TCERG1L: variants seen among roughly 807,000 people sequenced by gnomAD.
TCERG1L encodes the protein transcription elongation regulator 1-like protein.
TCERG1L carries 37 observed loss-of-function variants against 56.3 expected under a neutral mutation model. That is an observed-to-expected ratio of 0.66 (90% CI 0.51 to 0.87). TCERG1L has a LOEUF of 0.87. Among genes scored for constraint, TCERG1L ranks in the 40% least tolerant of loss-of-function variants. The pLI is 0.00. For missense variants in TCERG1L, 799 were observed against 774.2 expected, an observed-to-expected ratio of 1.03 and a Z score of -0.38; for synonymous variants, 324 against 326.3, an observed-to-expected ratio of 0.99 and a Z score of 0.08.
intron 4 of TCERG1L, among the ~76,000 whole-genome samples, chr10:131,243,684 G>A (rs1483881502): frequency 2.0e-5 from 3 of 152,202 alleles, no homozygotes; most frequent in Non-Finnish European, 4.4e-5. Flanking sequence ...TGAGAGGCAC[G>A]TGACCAGACA....
chr10:131,105,339 C>T (rs1251019819), intron 9 of TCERG1L, among the ~76,000 whole-genome samples: 1 of 152,198 alleles, frequency 6.6e-6, no homozygotes, highest in Non-Finnish European at 1.5e-5. Context: ...TCCATGCTGT[C>T]CTCTCTGGAA....
intron 8 of TCERG1L, among the ~76,000 whole-genome samples, chr10:131,133,482 A>G (rs542275509): frequency 1.4e-3 from 216 of 152,256 alleles, no homozygotes; most frequent in African/African-American, 5.0e-3. Flanking sequence ...GGCAGGACCC[A>G]GGGTCCAGCG....
At chr10:131,095,371 C>A (rs550096303) in intron 11 of TCERG1L, 4 of 152,250 alleles carry the variant, frequency 2.6e-5, no homozygotes, top group African/African-American at 9.7e-5. Context: ...ACTGTCCCGT[C>A]GCCACCATTC....
chr10:131,188,125 T>C (rs961087125), intron 4 of TCERG1L, among the ~76,000 whole-genome samples: 1 of 152,240 alleles, frequency 6.6e-6, no homozygotes, highest in African/African-American at 2.4e-5. Flanking sequence ...ACACTGCTGC[T>C]GACAAGAAGA....
chr10:131,308,295 T>G lies in TCERG1L; in HGVS notation c.586A>C (p.Asn196His). The change falls in exon 3 of 12, where the codon AAT (asparagine) becomes CAT (histidine). Residue 196 changes from asparagine to histidine, a missense_variant. Physicochemically the swap from Asn to His is moderately conservative, Grantham distance 68. Coordinates refer to ENST00000368642, the MANE Select transcript of TCERG1L (RefSeq NM_174937.4). ...CTGGACAGAGACACAGCTACTTGAT[T>G]TGCCAGCAAACGAGGCTTTTCATGC... ...HGHEKPRLLA[N>H]QVAVSLSRPA... is the part of the protein sequence containing the mutation. 6.2e-7 allele frequency: 1 copy of G among 1,614,004 alleles called. No homozygotes were observed.
At chr10:131,274,035 CG>C (rs1328415295) in intron 3 of TCERG1L, among the ~76,000 whole-genome samples, 1 of 152,074 alleles carries the variant, frequency 6.6e-6, no homozygotes, top group Non-Finnish European at 1.5e-5. Context: ...GAGAGAGGAA[CG>C]GGGCCTGGGC....
chr10:131,106,893 G>GT (rs1306451618), intron 9 of TCERG1L, among the ~76,000 whole-genome samples: 1 of 152,120 alleles, frequency 6.6e-6, no homozygotes, highest in Non-Finnish European at 1.5e-5. Context: ...AGCCTTTTCT[G>GT]TAATACCCAC....
At chr10:131,178,778 G>C (rs1193384082) in intron 4 of TCERG1L, among the ~76,000 whole-genome samples, 1 of 152,192 alleles carries the variant, frequency 6.6e-6, no homozygotes, top group Non-Finnish European at 1.5e-5. Context: ...ATGCGCTCCA[G>C]GATGAAGATC....
intron 9 of TCERG1L, among the ~76,000 whole-genome samples, chr10:131,109,654 G>A (rs985005799): frequency 6.6e-5 from 10 of 152,094 alleles, no homozygotes; most frequent in African/African-American, 1.7e-4. Flanking sequence ...CTGTCCCTCC[G>A]CCCTGTCTGA....
intron 7 of TCERG1L, among the ~76,000 whole-genome samples, chr10:131,141,266 G>T (rs1402232362): frequency 6.6e-6 from 1 of 152,148 alleles, no homozygotes; most frequent in African/African-American, 2.4e-5. Context: ...ACTGTCCCCA[G>T]ACAGCCATCC....
At chr10:131,117,888 A>G (rs1355627966) in intron 8 of TCERG1L, among the ~76,000 whole-genome samples, 1 of 152,238 alleles carries the variant, frequency 6.6e-6, no homozygotes, top group African/African-American at 2.4e-5. Flanking sequence ...CTGCTGGAAG[A>G]ATGTGTCTGG....
At chr10:131,125,046 T>A (rs542775794) in intron 8 of TCERG1L, among the ~76,000 whole-genome samples, 124 of 152,338 alleles carry the variant, frequency 8.1e-4, no homozygotes, top group African/African-American at 2.8e-3. Flanking sequence ...GTGGAAAAAC[T>A]GACTTAATGC....
At chr10:131,157,699 C>A (rs1729724120) in intron 6 of TCERG1L, among the ~76,000 whole-genome samples, 1 of 152,198 alleles carries the variant, frequency 6.6e-6, no homozygotes, top group Admixed American at 6.5e-5. Flanking sequence ...AAAAGTAATT[C>A]AAGTTTCATT....
intron 8 of TCERG1L, among the ~76,000 whole-genome samples, chr10:131,129,932 T>G (rs2133400529): frequency 6.6e-6 from 1 of 152,144 alleles, no homozygotes; most frequent in Admixed American, 6.5e-5. Context: ...CCACGAACTT[T>G]TAAACCACCA....
intron 4 of TCERG1L, among the ~76,000 whole-genome samples, chr10:131,236,600 C>T (rs1015890899): frequency 3.3e-5 from 5 of 152,222 alleles, no homozygotes; most frequent in African/African-American, 1.2e-4. Flanking sequence ...TTAAAAATGA[C>T]ATCTATTCGA....
intron 3 of TCERG1L, among the ~76,000 whole-genome samples, chr10:131,279,979 C>T (rs974990848): frequency 1.3e-5 from 2 of 152,156 alleles, no homozygotes; most frequent in African/African-American, 4.8e-5. Context: ...CAGCCTACAC[C>T]CTTTCGTGAG....
chr10:131,233,387 C>G lies in TCERG1L; in HGVS notation c.856+26872G>C, dbSNP rs112514913. ...TCACAGCCATTATATTTTTACTAATCAGGGATGGTGTTCTTGAATATCCAT... is the reference window on the plus strand; with the variant it reads ...TCACAGCCATTATATTTTTACTAATGAGGGATGGTGTTCTTGAATATCCAT... On this transcript the variant is annotated intron_variant, in intron 4 of 11. Coordinates refer to ENST00000368642, the MANE Select transcript of TCERG1L (RefSeq NM_174937.4). Among the ~76,000 whole-genome samples, 377 of 152,108 alleles carry G rather than the reference C, an allele frequency of 2.5e-3. 1 individual carries two copies. The highest frequency in any genetic ancestry group is 8.8e-3 in the African/African-American group (364 of 41,484).
At chr10:131,196,057 T>C (rs771869057) in intron 4 of TCERG1L, among the ~76,000 whole-genome samples, 1 of 152,166 alleles carries the variant, frequency 6.6e-6, no homozygotes, top group Non-Finnish European at 1.5e-5. Context: ...AGTACCCCCA[T>C]TGCCAGCAGC....
At chr10:131,208,939 T>C (rs4751347) in intron 4 of TCERG1L, among the ~76,000 whole-genome samples, 12,374 of 151,788 alleles carry the variant, frequency 0.082, 611 homozygotes, top group South Asian at 0.12. Context: ...GCGCCTGTAG[T>C]CCCAGCTACT....
Sources: gnomAD v4.1 joint callset for allele counts (sites outside exome capture counted in the v4.1 genomes callset) on GRCh38, gnomAD v4.1.1 for gene constraint, MANE v1.5 for transcripts, NCBI Gene and HGNC (gene_info 2026-07-23, HGNC 2026-07-21) for gene names.